Variants in DISC1 observed in about 807,000 individuals in gnomAD.
The protein encoded by DISC1 is DISC1 scaffold protein.
A neutral mutation model predicts 84.5 loss-of-function variants in DISC1; 57 were observed. The observed-to-expected ratio is 0.67, with a 90% CI of 0.55 to 0.84. The LOEUF (loss-of-function observed/expected upper bound fraction) is 0.84. Among genes scored for constraint, DISC1 ranks in the 40% least tolerant of loss-of-function variants. The pLI is 0.00. For synonymous variants in DISC1, 411 were observed against 415.2 expected (o/e 0.99, Z 0.12); for missense variants, 1,000 against 1,057.8 (o/e 0.95, Z 0.76).
At chr1:232,023,101 T>C (rs991133930) in intron 11 of DISC1, among the ~76,000 whole-genome samples, 4 of 19,778 alleles carry the variant, frequency 2.0e-4, no homozygotes, top group African/African-American at 4.6e-4. Context: ...TTTTGATAAC[T>C]TTTTTTCCAA....
chr1:231,736,528 T>C (rs748685106), intron 3 of DISC1, among the ~76,000 whole-genome samples: 43 of 152,264 alleles, frequency 2.8e-4, no homozygotes, highest in Non-Finnish European at 5.6e-4. Flanking sequence ...ATGATTATTA[T>C]GCTTGAAGTC....
At chr1:231,706,346 G>A (rs960326993) in intron 3 of DISC1, among the ~76,000 whole-genome samples, 1 of 152,176 alleles carries the variant, frequency 6.6e-6, no homozygotes, top group Admixed American at 6.5e-5. Flanking sequence ...AAGGATTCCA[G>A]CTCTGACATG....
chr1:231,907,315 A>C (rs1282321409), intron 9 of DISC1, among the ~76,000 whole-genome samples: 121 of 142,424 alleles, frequency 8.5e-4, no homozygotes, highest in African/African-American at 1.3e-3. Flanking sequence ...ATCCCTCCCC[A>C]CTCCCCCCAC....
chr1:231,627,053 A>G, intron 1 of DISC1, 119 bp downstream of exon 1: 1 of 648,262 alleles, frequency 1.5e-6, no homozygotes, highest in Non-Finnish European at 2.4e-6. Context: ...ACCCCTTTCG[A>G]GGTGAGGGAA....
At chr1:231,863,963 C>A (rs2084866441) in intron 9 of DISC1, among the ~76,000 whole-genome samples, 2 of 152,132 alleles carry the variant, frequency 1.3e-5, no homozygotes, top group Non-Finnish European at 2.9e-5. Context: ...TTTGCTCTTG[C>A]ACTGGGGAGT....
At chr1:231,894,403 G>A (rs192932422) in intron 9 of DISC1, among the ~76,000 whole-genome samples, 9 of 152,150 alleles carry the variant, frequency 5.9e-5, no homozygotes, top group East Asian at 1.9e-4. Context: ...CACAAATGTT[G>A]TATATTCTAC....
At position 231,751,283 on chromosome 1, in the gene DISC1, GAA is replaced by G. The variant is rs528311702; in HGVS notation, c.1268+1210_1268+1211del. 1.0e-3 allele frequency among the ~76,000 whole-genome samples: 158 copies of G among 152,184 alleles called. 1 individual carries two copies. Among genetic ancestry groups the G allele is most frequent in the African/African-American group, 3.8e-3 (156 of 41,522 alleles). ...TTCTTGTCGTCTACTCCAGTCTTGGGAAAATTTTAGCATGTAAAAATAGGGCA... is the reference window on the plus strand; with the variant it reads ...TTCTTGTCGTCTACTCCAGTCTTGGGAATTTTAGCATGTAAAAATAGGGCA... On this transcript the variant is annotated intron_variant, in intron 4 of 12. Coordinates refer to ENST00000439617, the MANE Select transcript of DISC1 (RefSeq NM_018662.3).
intron 9 of DISC1, among the ~76,000 whole-genome samples, chr1:231,950,016 A>G (rs922428125): frequency 1.3e-5 from 2 of 152,204 alleles, no homozygotes; most frequent in Non-Finnish European, 2.9e-5. Flanking sequence ...AATTAAACAA[A>G]ATAATGATGC....
chr1:231,744,418 T>C (rs2073727280), intron 3 of DISC1, among the ~76,000 whole-genome samples: 1 of 152,222 alleles, frequency 6.6e-6, no homozygotes, highest in Non-Finnish European at 1.5e-5. Flanking sequence ...AACTTTCTAA[T>C]TCTTTGGGCA....
At chr1:231,703,296 G>A (rs1023751528) in intron 3 of DISC1, among the ~76,000 whole-genome samples, 3 of 152,154 alleles carry the variant, frequency 2.0e-5, no homozygotes, top group African/African-American at 7.2e-5. Flanking sequence ...AGGATGAGTT[G>A]CCTGAGAGAG....
intron 10 of DISC1, among the ~76,000 whole-genome samples, chr1:231,983,782 A>G (rs1664008443): frequency 6.6e-6 from 1 of 152,148 alleles, no homozygotes; most frequent in African/African-American, 2.4e-5. Context: ...TGAGCAGTCA[A>G]TGTACATTTG....
intron 1 of DISC1, among the ~76,000 whole-genome samples, chr1:231,644,921 GA>G (rs1208179011): frequency 6.6e-6 from 1 of 151,958 alleles, no homozygotes; most frequent in Non-Finnish European, 1.5e-5. Flanking sequence ...AGGATCCTGT[GA>G]CTGAATTCTT....
chr1:231,972,079 C>T (rs1376013752), intron 10 of DISC1, among the ~76,000 whole-genome samples: 1 of 152,208 alleles, frequency 6.6e-6, no homozygotes, highest in African/African-American at 2.4e-5. Flanking sequence ...GGTAATTACG[C>T]TGCCCGGTCT....
At chr1:231,716,438 T>C (rs1172896769) in intron 3 of DISC1, among the ~76,000 whole-genome samples, 1 of 152,198 alleles carries the variant, frequency 6.6e-6, no homozygotes, top group Non-Finnish European at 1.5e-5. Flanking sequence ...GCAAACTATT[T>C]TTTTTATCTG....
At chr1:231,864,025 C>CT (rs941198571) in intron 9 of DISC1, among the ~76,000 whole-genome samples, 1 of 152,084 alleles carries the variant, frequency 6.6e-6, no homozygotes, top group Non-Finnish European at 1.5e-5. Context: ...GTACTATAGA[C>CT]TTTTTTTATG....
intron 9 of DISC1, among the ~76,000 whole-genome samples, chr1:231,821,666 A>T (rs2081503567): frequency 6.6e-6 from 1 of 152,020 alleles, no homozygotes; most frequent in African/African-American, 2.4e-5. Flanking sequence ...TTATTTAAAG[A>T]AGGGTGGAAT....
chr1:231,845,063 G>C (rs1558642762), intron 9 of DISC1, among the ~76,000 whole-genome samples: 2 of 152,140 alleles, frequency 1.3e-5, no homozygotes, highest in Non-Finnish European at 2.9e-5. Context: ...GCTTCAGAGA[G>C]ACTAGATTGT....
chr1:231,739,972 G>C (rs1276276371), intron 3 of DISC1, among the ~76,000 whole-genome samples: 1 of 152,166 alleles, frequency 6.6e-6, no homozygotes, highest in African/African-American at 2.4e-5. Flanking sequence ...TGGAGTGTTT[G>C]GGAGGTGATT....
intron 9 of DISC1, among the ~76,000 whole-genome samples, chr1:231,921,030 C>G (rs891884454): frequency 6.6e-6 from 1 of 151,896 alleles, no homozygotes; most frequent in Non-Finnish European, 1.5e-5. Flanking sequence ...CCTCAGCCTC[C>G]CAAGTAGCTG....
Sources: allele counts gnomAD v4.1 joint callset (sites outside exome capture counted in the v4.1 genomes callset), GRCh38; gene constraint gnomAD v4.1.1; transcripts MANE v1.5; gene names NCBI Gene and HGNC (gene_info 2026-07-23, HGNC 2026-07-21).